Variants in GRXCR1 observed in about 807,000 individuals in gnomAD.
GRXCR1 encodes the protein glutaredoxin and cysteine rich domain containing 1.
In GRXCR1, 27 loss-of-function variants were observed where a neutral mutation model predicts 27.3. The observed-to-expected ratio is 0.99, with a 90% CI of 0.73 to 1.37. GRXCR1 has a LOEUF of 1.37. Ranked by LOEUF, GRXCR1 falls within the 40% of genes most tolerant of loss-of-function variation. GRXCR1 has a pLI of 0.00. For missense variants in GRXCR1, 379 were observed against 354.4 expected (o/e 1.07, Z -0.56); for synonymous variants, 122 against 131.1 (o/e 0.93, Z 0.47).
At chr4:42,960,575 G>T (rs1748108939) in intron 1 of GRXCR1, among the ~76,000 whole-genome samples, 1 of 151,626 alleles carries the variant, frequency 6.6e-6, no homozygotes, top group Admixed American at 6.6e-5. Flanking sequence ...AAAATTCCAC[G>T]ATGTGAAGTG....
chr4:42,928,625 G>A (rs921530024), intron 1 of GRXCR1, among the ~76,000 whole-genome samples: 1 of 152,032 alleles, frequency 6.6e-6, no homozygotes, highest in Non-Finnish European at 1.5e-5. Flanking sequence ...GGCACTGCCT[G>A]CCTTGCAAAA....
At chr4:42,903,525 G>A (rs1338011799) in intron 1 of GRXCR1, among the ~76,000 whole-genome samples, 2 of 146,834 alleles carry the variant, frequency 1.4e-5, no homozygotes, top group African/African-American at 5.0e-5. Flanking sequence ...TGTTAGCCAG[G>A]ATGGTCTCTA....
At chr4:42,907,670 T>A (rs1318234133) in intron 1 of GRXCR1, among the ~76,000 whole-genome samples, 1 of 152,184 alleles carries the variant, frequency 6.6e-6, no homozygotes, top group Non-Finnish European at 1.5e-5. Flanking sequence ...GCAGTTCTAC[T>A]CCCTCATGAC....
At position 42,902,083 on chromosome 4, in the gene GRXCR1, T is replaced by C. The variant is rs552783287; in HGVS notation, c.384+8433T>C. On this transcript the variant is annotated intron_variant, in intron 1 of 3. Coordinates refer to ENST00000399770, the MANE Select transcript of GRXCR1 (RefSeq NM_001080476.3). ...CATTTAAAATCTTTTTGGACTCTGG[T>C]CTTGAATCTAGTTGTATCTTAGTAT... Among the ~76,000 whole-genome samples the C allele has an allele frequency of 5.3e-5, 8 of 152,312 alleles. No homozygotes were observed. In the South Asian group the frequency reaches 1.7e-3, roughly 32 times the overall value.
chr4:43,008,595 C>A (rs1712638312), intron 2 of GRXCR1, among the ~76,000 whole-genome samples: 1 of 152,122 alleles, frequency 6.6e-6, no homozygotes, highest in Non-Finnish European at 1.5e-5. Flanking sequence ...ATTTATTAAG[C>A]ATTTACTATG....
At chr4:42,970,789 C>T (rs565736784) in intron 2 of GRXCR1, among the ~76,000 whole-genome samples, 8 of 152,242 alleles carry the variant, frequency 5.3e-5, no homozygotes, top group African/African-American at 1.4e-4. Flanking sequence ...GTCCTTTTTA[C>T]GTATGCAAAT....
intron 2 of GRXCR1, among the ~76,000 whole-genome samples, chr4:42,981,885 G>T (rs1205274648): frequency 6.6e-6 from 1 of 151,938 alleles, no homozygotes; most frequent in Non-Finnish European, 1.5e-5. Flanking sequence ...TTGACAGTTT[G>T]ATTATATTAT....
intron 1 of GRXCR1, among the ~76,000 whole-genome samples, chr4:42,923,258 T>A (rs769447739): frequency 3.9e-5 from 6 of 152,136 alleles, no homozygotes; most frequent in South Asian, 4.1e-4. Context: ...GTAAGCTGGG[T>A]AATAGCAGTA....
chr4:42,984,515 A>G (rs1711619390), intron 2 of GRXCR1, among the ~76,000 whole-genome samples: 1 of 152,218 alleles, frequency 6.6e-6, no homozygotes, highest in South Asian at 2.1e-4. Flanking sequence ...TACCTATTCT[A>G]GTCTTCTAGA....
At chr4:42,922,496 T>C (rs149095164) in intron 1 of GRXCR1, among the ~76,000 whole-genome samples, 1,587 of 152,244 alleles carry the variant, frequency 0.01, 33 homozygotes, top group African/African-American at 0.036. Context: ...GGAAGCAGGC[T>C]TGGGCCCATC....
At chr4:42,974,127 G>A (rs1405903977) in intron 2 of GRXCR1, among the ~76,000 whole-genome samples, 1 of 152,058 alleles carries the variant, frequency 6.6e-6, no homozygotes, top group Admixed American at 6.6e-5. Flanking sequence ...ACCAAATGAG[G>A]GGATGAAAAA....
At chr4:42,980,103 C>T (rs1179328915) in intron 2 of GRXCR1, among the ~76,000 whole-genome samples, 1 of 151,780 alleles carries the variant, frequency 6.6e-6, no homozygotes, top group Non-Finnish European at 1.5e-5. Flanking sequence ...AATAAACCAA[C>T]TCAGTTTTGT....
intron 2 of GRXCR1, among the ~76,000 whole-genome samples, chr4:42,995,014 C>A (rs2109792951): frequency 6.6e-6 from 1 of 152,226 alleles, no homozygotes; most frequent in South Asian, 2.1e-4. Context: ...TGGTGACATT[C>A]ACAATAAATG....
At chr4:42,994,886 TG>T (rs920298567) in intron 2 of GRXCR1, among the ~76,000 whole-genome samples, 25 of 152,270 alleles carry the variant, frequency 1.6e-4, no homozygotes, top group African/African-American at 4.6e-4. Flanking sequence ...AATTTTTTAT[TG>T]GGAAGGTGAA....
intron 2 of GRXCR1, among the ~76,000 whole-genome samples, chr4:43,007,639 C>A (rs1186149068): frequency 6.6e-6 from 1 of 152,098 alleles, no homozygotes; most frequent in Non-Finnish European, 1.5e-5. Context: ...TTAAAATAAA[C>A]ATTGCATGTA....
chr4:42,893,006 A>T lies in GRXCR1; in HGVS notation c.-261A>T, dbSNP rs1424255213. ...TTGCACTTGTCCTGTTAAAGAGTCCACCATGGCTATTTAATATTTAAAGGC... is the reference window on the plus strand; with the variant it reads ...TTGCACTTGTCCTGTTAAAGAGTCCTCCATGGCTATTTAATATTTAAAGGC... On this transcript the variant is annotated 5_prime_UTR_variant, in exon 1 of 4. Coordinates refer to ENST00000399770, the MANE Select transcript of GRXCR1 (RefSeq NM_001080476.3). Among the ~76,000 whole-genome samples the T allele has an allele frequency of 6.6e-6, 1 of 152,114 alleles. No individual in the cohort carries two copies. The highest frequency in any genetic ancestry group is 2.1e-4 in the South Asian group (1 of 4,830).
At chr4:42,914,329 C>T (rs773927114) in intron 1 of GRXCR1, among the ~76,000 whole-genome samples, 3 of 152,246 alleles carry the variant, frequency 2.0e-5, no homozygotes, top group Non-Finnish European at 2.9e-5. Flanking sequence ...TGGGAGCCCA[C>T]CTCTTGCATC....
At chr4:42,976,374 T>C (rs938470509) in intron 2 of GRXCR1, among the ~76,000 whole-genome samples, 3 of 152,160 alleles carry the variant, frequency 2.0e-5, no homozygotes, top group African/African-American at 7.2e-5. Context: ...TTTATCAGAG[T>C]TTAAAGAAAT....
At chr4:42,980,534 C>T (rs1306338043) in intron 2 of GRXCR1, among the ~76,000 whole-genome samples, 1 of 151,896 alleles carries the variant, frequency 6.6e-6, no homozygotes, top group Non-Finnish European at 1.5e-5. Context: ...TCTTAAATTT[C>T]TTAAAACTTA....
Sources: allele counts gnomAD v4.1 joint callset (sites outside exome capture counted in the v4.1 genomes callset), GRCh38; gene constraint gnomAD v4.1.1; transcripts MANE v1.5; gene names NCBI Gene and HGNC (gene_info 2026-07-23, HGNC 2026-07-21).